The following FRMD4B variants were observed in gnomAD, a reference collection of about 807,000 sequenced individuals.
The protein encoded by FRMD4B is FERM domain containing 4B, also known as FERM domain-containing protein 4B.
In FRMD4B, 74 loss-of-function variants were observed where a neutral mutation model predicts 141.5. The observed-to-expected ratio is 0.52, with a 90% CI of 0.43 to 0.63. The LOEUF (loss-of-function observed/expected upper bound fraction) is 0.63, where lower values mean the gene tolerates loss of function less well. Ranked by LOEUF, FRMD4B falls within the 30% of genes least tolerant of loss-of-function variation. The pLI, the probability that FRMD4B is intolerant of heterozygous loss-of-function variation, is 0.00. For synonymous variants in FRMD4B, 506 were observed against 467.9 expected (o/e 1.08, Z -1.05); for missense variants, 1,366 against 1,253.4 (o/e 1.09, Z -1.36).
chr3:69,366,546 T>A (rs72940786), intron 1 of FRMD4B, among the ~76,000 whole-genome samples: 1 of 142,846 alleles, frequency 7.0e-6, no homozygotes, highest in East Asian at 2.0e-4. Flanking sequence ...TGATATGATA[T>A]GTATGTCACT....
chr3:69,297,167 G>A (rs35646914), intron 4 of FRMD4B, among the ~76,000 whole-genome samples: 71,746 of 151,926 alleles, frequency 0.47, 17,814 homozygotes, highest in Non-Finnish European at 0.55. Flanking sequence ...AGGACTCACG[G>A]GTTGTAGTCA....
In FRMD4B at chr3:69,385,981, C is replaced by A. The variant is rs1391619685; in HGVS notation, c.9G>T (p.Ser3=). 7 of 1,592,620 alleles carry A rather than the reference C, an allele frequency of 4.4e-6. No individual in the cohort carries two copies. The highest frequency in any genetic ancestry group is 6.0e-6 in the Non-Finnish European group (7 of 1,168,362). MA[S]VFMCGVEDLL... ...GGTCCTCCACGCCACACATGAACAC[C>A]GAAGCCATGCCTCCTCCTTCGCTCT... Residue 3 remains serine, a synonymous_variant, in exon 1 of 23, where the codon TCG becomes TCT. Coordinates refer to ENST00000398540, the MANE Select transcript of FRMD4B (RefSeq NM_015123.3).
chr3:69,501,892 C>A (rs575747867), intron 1 of FRMD4B, among the ~76,000 whole-genome samples: 11 of 152,186 alleles, frequency 7.2e-5, no homozygotes, highest in Middle Eastern at 3.4e-3. Flanking sequence ...CAAAAACAGA[C>A]AAACAGAGAG....
chr3:69,243,306 G>A (rs1417153978), intron 7 of FRMD4B, among the ~76,000 whole-genome samples: 1 of 152,146 alleles, frequency 6.6e-6, no homozygotes, highest in African/African-American at 2.4e-5. Flanking sequence ...AAATAAAAAG[G>A]GAGGATTGCT....
At chr3:69,407,306 G>A (rs546449893) in intron 2 of FRMD4B, among the ~76,000 whole-genome samples, 1 of 152,264 alleles carries the variant, frequency 6.6e-6, no homozygotes, top group East Asian at 1.9e-4. Context: ...TTCCACCTAT[G>A]AAGCCACTTA....
rs1011924587 is a variant in FRMD4B, at chr3:69,218,555, C to A, written c.732-176G>T. 7.2e-5 allele frequency among the ~76,000 whole-genome samples: 11 copies of A among 152,166 alleles called. No homozygotes were observed. In the East Asian group the frequency reaches 1.9e-3, roughly 27 times the overall value. On this transcript the variant is annotated intron_variant, in intron 9 of 22. Transcript: ENST00000398540. ...TGGGGAGTAATATATTTTAGCTTAT[C>A]CAAATGTCAGGAAAATGCTAATAGA... is the stretch of plus-strand genomic sequence containing the variant.
At chr3:69,223,553 G>T (rs191484907) in intron 8 of FRMD4B, among the ~76,000 whole-genome samples, 1 of 151,804 alleles carries the variant, frequency 6.6e-6, no homozygotes, top group Non-Finnish European at 1.5e-5. Flanking sequence ...AAACTATCGC[G>T]CTTGGTCGGG....
At chr3:69,419,420 A>G (rs967801175) in intron 2 of FRMD4B, among the ~76,000 whole-genome samples, 4 of 152,276 alleles carry the variant, frequency 2.6e-5, no homozygotes, top group African/African-American at 9.6e-5. Flanking sequence ...GTGGCCACTC[A>G]TAGGTCCAGG....
intron 21 of FRMD4B, among the ~76,000 whole-genome samples, chr3:69,177,258 G>A (rs564126490): frequency 6.6e-6 from 1 of 152,210 alleles, no homozygotes; most frequent in East Asian, 1.9e-4. Context: ...AGAAATACTT[G>A]AGCCCATGAA....
At chr3:69,410,722 AATAAATATATAT>A (rs1377381515) in intron 2 of FRMD4B, among the ~76,000 whole-genome samples, 13 of 58,526 alleles carry the variant, frequency 2.2e-4, no homozygotes, top group Admixed American at 1.9e-3. Flanking sequence ...TAAATAAATA[AATAAATATATAT>A]ATATATATAT....
intron 1 of FRMD4B, among the ~76,000 whole-genome samples, chr3:69,328,918 A>G (rs2107320186): frequency 6.6e-6 from 1 of 152,008 alleles, no homozygotes; most frequent in South Asian, 2.1e-4. Context: ...GCCATCTAGC[A>G]GCTCTCGGTG....
chr3:69,210,375 T>G (rs1197979695), intron 11 of FRMD4B, among the ~76,000 whole-genome samples: 1 of 151,972 alleles, frequency 6.6e-6, no homozygotes, highest in African/African-American at 2.4e-5. Context: ...CATTTTTCCT[T>G]GAAATACTGA....
chr3:69,495,195 T>G (rs1706364982), intron 1 of FRMD4B, among the ~76,000 whole-genome samples: 1 of 152,170 alleles, frequency 6.6e-6, no homozygotes. Context: ...TGCCAATTCC[T>G]GAGGGAATAC....
At chr3:69,410,320 AGTGAGTGT>A (rs1167233606) in intron 2 of FRMD4B, among the ~76,000 whole-genome samples, 1 of 152,038 alleles carries the variant, frequency 6.6e-6, no homozygotes, top group Non-Finnish European at 1.5e-5. Context: ...TGTGCCTAAG[AGTGAGTGT>A]GTGAATGCAG....
intron 1 of FRMD4B, among the ~76,000 whole-genome samples, chr3:69,350,285 C>T (rs1703094442): frequency 6.6e-6 from 1 of 152,152 alleles, no homozygotes; most frequent in African/African-American, 2.4e-5. Flanking sequence ...TACCATCTCA[C>T]ACCAGTTAGA....
intron 1 of FRMD4B, among the ~76,000 whole-genome samples, chr3:69,539,642 T>C (rs1033457780): frequency 1.3e-5 from 2 of 152,242 alleles, no homozygotes; most frequent in African/African-American, 2.4e-5. Flanking sequence ...AATTTTTTCA[T>C]GTTCCAGCAC....
chr3:69,236,871 C>A (rs1480326047), intron 7 of FRMD4B, among the ~76,000 whole-genome samples: 1 of 152,186 alleles, frequency 6.6e-6, no homozygotes, highest in East Asian at 1.9e-4. Context: ...TCACTCAATG[C>A]CTAATGCCAC....
At chr3:69,455,255 C>A (rs930642310) in intron 1 of FRMD4B, among the ~76,000 whole-genome samples, 1 of 152,178 alleles carries the variant, frequency 6.6e-6, no homozygotes, top group African/African-American at 2.4e-5. Context: ...AGCAGGCTGC[C>A]AGAGGCCACA....
intron 1 of FRMD4B, among the ~76,000 whole-genome samples, chr3:69,479,605 G>A (rs1344033723): frequency 1.3e-5 from 2 of 152,110 alleles, no homozygotes; most frequent in South Asian, 2.1e-4. Context: ...TCCCTTTGTG[G>A]GTAACCCAAC....
Sources: gnomAD v4.1 joint callset for allele counts (sites outside exome capture counted in the v4.1 genomes callset) on GRCh38, gnomAD v4.1.1 for gene constraint, MANE v1.5 for transcripts, NCBI Gene and HGNC (gene_info 2026-07-23, HGNC 2026-07-21) for gene names.